Variants in RBFOX1 observed in about 807,000 individuals in gnomAD.
RBFOX1 encodes the protein RNA binding protein fox-1 homolog 1.
RBFOX1 carries 8 observed loss-of-function variants against 57.7 expected under a neutral mutation model. That is an observed-to-expected ratio of 0.14 (90% CI 0.08 to 0.25). The LOEUF is 0.25. RBFOX1 is among the 10% of genes least tolerant of loss of function. The probability of loss-of-function intolerance (pLI) is 1.00; values close to 1 mark genes in which losing one functional copy is unlikely to be tolerated. For missense variants in RBFOX1, 611 were observed against 548.5 expected (o/e 1.11, Z -1.14); for synonymous variants, 326 against 222.4 (o/e 1.47, Z -4.15).
Position 5,257,178 on chromosome 16 carries a change from C to CA in RBFOX1, c.219+17082dup, listed in dbSNP as rs71404514. On this transcript the variant is annotated intron_variant, in intron 1 of 2. Transcript: ENST00000585867. ...GAAACAAACAAACAAACAGAAAACT[C>CA]AAAAAAAAACAGCCCTGACCTAAAT... Among the ~76,000 whole-genome samples, 503 of 150,464 alleles carry CA rather than the reference C, an allele frequency of 3.3e-3. 1 individual carries two copies. Among genetic ancestry groups the CA allele is most frequent in the African/African-American group, 5.4e-3 (221 of 41,008 alleles).
intron 2 of RBFOX1, among the ~76,000 whole-genome samples, chr16:6,359,212 C>T (rs886784150): frequency 2.6e-5 from 4 of 152,182 alleles, no homozygotes; most frequent in Non-Finnish European, 5.9e-5. Context: ...CCTGCCTCTG[C>T]CTCCTGAGTA....
At chr16:6,169,538 G>C (rs2096942781) in intron 1 of RBFOX1, among the ~76,000 whole-genome samples, 1 of 152,182 alleles carries the variant, frequency 6.6e-6, no homozygotes, top group African/African-American at 2.4e-5. Context: ...GGCAGATTCA[G>C]AGAGACTCCA....
intron 2 of RBFOX1, among the ~76,000 whole-genome samples, chr16:5,503,504 C>T (rs967823475): frequency 5.3e-5 from 8 of 152,166 alleles, no homozygotes; most frequent in East Asian, 1.9e-4. Flanking sequence ...TGGCGCATGG[C>T]GCAATCACGG....
At chr16:6,517,587 T>A (rs2096405735) in intron 2 of RBFOX1, among the ~76,000 whole-genome samples, 1 of 152,136 alleles carries the variant, frequency 6.6e-6, no homozygotes, top group Admixed American at 6.5e-5. Flanking sequence ...AAATGCTTTG[T>A]GTTTCAGAGA....
intron 4 of RBFOX1, among the ~76,000 whole-genome samples, chr16:7,439,242 C>T (rs1317126772): frequency 6.6e-6 from 1 of 152,110 alleles, no homozygotes; most frequent in Non-Finnish European, 1.5e-5. Flanking sequence ...ACATCTGAAT[C>T]ATATGATCAT....
At chr16:6,658,344 G>T (rs901351843) in intron 3 of RBFOX1, among the ~76,000 whole-genome samples, 8 of 151,552 alleles carry the variant, frequency 5.3e-5, no homozygotes, top group African/African-American at 1.9e-4. Context: ...GGGTTCAAGC[G>T]ATTCTCCTGC....
intron 4 of RBFOX1, among the ~76,000 whole-genome samples, chr16:7,118,767 G>T (rs967565610): frequency 2.6e-5 from 4 of 151,990 alleles, no homozygotes; most frequent in Non-Finnish European, 4.4e-5. Flanking sequence ...ACAAGAATTT[G>T]GTAAAATTGT....
At chr16:5,703,502 G>A (rs141192976) in intron 3 of RBFOX1, among the ~76,000 whole-genome samples, 2 of 152,274 alleles carry the variant, frequency 1.3e-5, no homozygotes, top group African/African-American at 4.8e-5. Flanking sequence ...GAGCATCCTC[G>A]TATATTCTTC....
At chr16:6,096,008 G>T (rs1482861162) in intron 1 of RBFOX1, among the ~76,000 whole-genome samples, 1 of 152,172 alleles carries the variant, frequency 6.6e-6, no homozygotes, top group Admixed American at 6.5e-5. Context: ...CCCCAAAGGT[G>T]GCCCTTTCAG....
chr16:7,632,909 A>G (rs2061210844), intron 11 of RBFOX1, among the ~76,000 whole-genome samples: 2 of 152,244 alleles, frequency 1.3e-5, no homozygotes, highest in Admixed American at 6.5e-5. Context: ...AATCAACTCC[A>G]AAAGTGTGCT....
intron 4 of RBFOX1, among the ~76,000 whole-genome samples, chr16:5,880,213 G>A (rs2057728152): frequency 6.6e-6 from 1 of 152,166 alleles, no homozygotes; most frequent in Non-Finnish European, 1.5e-5. Context: ...GAGGCTCAGA[G>A]GGCTCAAACT....
At chr16:6,602,027 C>T (rs1466670221) in intron 2 of RBFOX1, among the ~76,000 whole-genome samples, 1 of 152,160 alleles carries the variant, frequency 6.6e-6, no homozygotes, top group African/African-American at 2.4e-5. Context: ...CTAGAAGCAG[C>T]TTGGTAGGAG....
At chr16:7,289,545 C>T (rs2095718929) in intron 4 of RBFOX1, among the ~76,000 whole-genome samples, 1 of 152,054 alleles carries the variant, frequency 6.6e-6, no homozygotes, top group Non-Finnish European at 1.5e-5. Context: ...CCATCAGCAT[C>T]AATATGATAA....
chr16:5,351,333 A>C (rs962391514), intron 1 of RBFOX1, among the ~76,000 whole-genome samples: 3 of 152,218 alleles, frequency 2.0e-5, no homozygotes, highest in African/African-American at 7.2e-5. Context: ...CTACTCTAGA[A>C]GGTAGATACA....
intron 3 of RBFOX1, among the ~76,000 whole-genome samples, chr16:6,895,669 C>G (rs188507712): frequency 2.6e-5 from 4 of 151,022 alleles, no homozygotes; most frequent in Admixed American, 6.6e-5. Flanking sequence ...GGAAAGGAGG[C>G]AAAAGTACCT....
intron 5 of RBFOX1, among the ~76,000 whole-genome samples, chr16:7,529,468 T>C (rs970987848): frequency 3.3e-5 from 5 of 152,172 alleles, no homozygotes; most frequent in Admixed American, 3.3e-4. Flanking sequence ...GCAAACAAAT[T>C]TCCTGTCCAC....
chr16:7,674,374 T>TA (rs1349753153), intron 13 of RBFOX1, among the ~76,000 whole-genome samples: 1 of 152,178 alleles, frequency 6.6e-6, no homozygotes, highest in Non-Finnish European at 1.5e-5. Flanking sequence ...TAGTTACCTT[T>TA]CAAGAGTTCA....
chr16:5,956,878 C>T (rs940292944), intron 4 of RBFOX1, among the ~76,000 whole-genome samples: 7 of 150,290 alleles, frequency 4.7e-5, no homozygotes, highest in African/African-American at 1.7e-4. Flanking sequence ...GCCATTTTGG[C>T]CAGGCTGCTT....
chr16:7,367,873 C>T (rs906281944), intron 4 of RBFOX1, among the ~76,000 whole-genome samples: 2 of 130,694 alleles, frequency 1.5e-5, no homozygotes, highest in Admixed American at 8.3e-5. Context: ...AGCACGTGCA[C>T]ACATGCGTGC....
Sources: gnomAD v4.1 joint callset for allele counts (sites outside exome capture counted in the v4.1 genomes callset) on GRCh38, gnomAD v4.1.1 for gene constraint, MANE v1.5 for transcripts, NCBI Gene and HGNC (gene_info 2026-07-23, HGNC 2026-07-21) for gene names.